Variants in MARCHF1 observed in about 807,000 individuals in gnomAD.
MARCHF1 encodes E3 ubiquitin-protein ligase MARCHF1.
In MARCHF1, 40 loss-of-function variants were observed where a neutral mutation model predicts 54.2. The ratio of observed to expected loss-of-function variants is 0.74; its 90% confidence interval spans 0.57 to 0.96. The LOEUF (loss-of-function observed/expected upper bound fraction) is 0.96. Among genes scored for constraint, MARCHF1 ranks in the 40% least tolerant of loss-of-function variants. MARCHF1 has a pLI of 0.00. For synonymous variants in MARCHF1, 236 were observed against 236.3 expected (o/e 1.00, Z 0.01); for missense variants, 586 against 656.5 (o/e 0.89, Z 1.17).
At chr4:164,339,615 A>G (rs1339456324) in intron 1 of MARCHF1, among the ~76,000 whole-genome samples, 2 of 152,146 alleles carry the variant, frequency 1.3e-5, no homozygotes, top group African/African-American at 4.8e-5. Context: ...TACATGAATA[A>G]AAAAGAAAGA....
chr4:163,608,014 T>G (rs1262592932), intron 7 of MARCHF1, among the ~76,000 whole-genome samples: 2 of 152,140 alleles, frequency 1.3e-5, no homozygotes, highest in African/African-American at 2.4e-5. Context: ...TTTTGCATCC[T>G]AAGAATTATT....
intron 1 of MARCHF1, among the ~76,000 whole-genome samples, chr4:164,209,779 A>C (rs1047857315): frequency 6.6e-6 from 1 of 152,192 alleles, no homozygotes; most frequent in African/African-American, 2.4e-5. Context: ...TATAATTGGA[A>C]TATTTTACTA....
chr4:164,324,017 A>C (rs1735210173), intron 1 of MARCHF1, among the ~76,000 whole-genome samples: 1 of 151,878 alleles, frequency 6.6e-6, no homozygotes, highest in South Asian at 2.1e-4. Flanking sequence ...AACCTAATAA[A>C]GATCAAACAA....
chr4:163,770,521 AAC>A (rs36201521), intron 4 of MARCHF1, among the ~76,000 whole-genome samples: 8,740 of 147,050 alleles, frequency 0.059, 425 homozygotes, highest in African/African-American at 0.14. Context: ...TCCCTCACTG[AAC>A]ACACACACAC....
chr4:164,199,675 CACACACAGAGAGAGAG>C (rs1477000996), intron 1 of MARCHF1, among the ~76,000 whole-genome samples: 155 of 54,444 alleles, frequency 2.8e-3, no homozygotes, highest in Non-Finnish European at 3.9e-3. Context: ...CACACACACA[CACACACAGAGAGAGAG>C]AGAGAGAGAG....
At chr4:163,667,876 C>T (rs1226016924) in intron 5 of MARCHF1, among the ~76,000 whole-genome samples, 3 of 152,118 alleles carry the variant, frequency 2.0e-5, no homozygotes, top group African/African-American at 7.2e-5. Context: ...ATTCACCCAC[C>T]TTGGCCTCCC....
chr4:163,863,520 G>T (rs573855626), intron 3 of MARCHF1, among the ~76,000 whole-genome samples: 13 of 152,186 alleles, frequency 8.5e-5, no homozygotes, highest in African/African-American at 3.1e-4. Context: ...CATATGCCAT[G>T]TAATAATGGG....
chr4:163,922,483 C>T (rs985058854), intron 3 of MARCHF1, among the ~76,000 whole-genome samples: 2 of 152,118 alleles, frequency 1.3e-5, no homozygotes, highest in South Asian at 2.1e-4. Flanking sequence ...TTGCACTCTA[C>T]CAAAATATCT....
At chr4:163,958,481 T>A (rs1752276169) in intron 3 of MARCHF1, among the ~76,000 whole-genome samples, 3 of 152,010 alleles carry the variant, frequency 2.0e-5, no homozygotes, top group African/African-American at 7.2e-5. Context: ...GAATACTTTT[T>A]TTGTTACTTT....
chr4:163,767,658 G>C (rs1301006203), intron 4 of MARCHF1, among the ~76,000 whole-genome samples: 1 of 152,038 alleles, frequency 6.6e-6, no homozygotes, highest in Non-Finnish European at 1.5e-5. Context: ...TGACCCAGCA[G>C]AGACACCAAA....
chr4:163,962,119 G>A (rs1029065302), intron 3 of MARCHF1, among the ~76,000 whole-genome samples: 1 of 151,880 alleles, frequency 6.6e-6, no homozygotes, highest in Non-Finnish European at 1.5e-5. Context: ...TAAGTTTTGT[G>A]TCTAAAAATG....
intron 1 of MARCHF1, among the ~76,000 whole-genome samples, chr4:164,119,123 A>G (rs1756009458): frequency 6.6e-6 from 1 of 151,580 alleles, no homozygotes; most frequent in Admixed American, 6.6e-5. Flanking sequence ...ACCCTAAAAA[A>G]CCCTTAGTAA....
intron 4 of MARCHF1, among the ~76,000 whole-genome samples, chr4:163,843,920 T>A (rs1208325704): frequency 6.6e-6 from 1 of 152,114 alleles, no homozygotes; most frequent in Non-Finnish European, 1.5e-5. Context: ...GATGCCTGTA[T>A]GTCTTCTTTT....
In MARCHF1 at chr4:163,778,352, C is replaced by T. The variant is rs115892175; in HGVS notation, c.111+75669G>A. Among the ~76,000 whole-genome samples the T allele has an allele frequency of 3.8e-3, 572 of 152,298 alleles. 3 individuals are homozygous for T. The highest frequency in any genetic ancestry group is 0.013 in the African/African-American group (549 of 41,560). ...ATAAGAAACTGCAAAATTGTTGCTT[C>T]ACATGACTAATATCTGGCATTGTCA... On this transcript the variant is annotated intron_variant, in intron 4 of 9. Coordinates refer to ENST00000514618, the MANE Select transcript of MARCHF1 (RefSeq NM_001394959.1).
At chr4:163,670,360 ATCTATCTATCTATCTATCTATCTGTCTG>A (rs1166079460) in intron 5 of MARCHF1, among the ~76,000 whole-genome samples, 2 of 103,462 alleles carry the variant, frequency 1.9e-5, no homozygotes, top group Admixed American at 1.9e-4. Flanking sequence ...CTAGAGTAGG[ATCTATCTATCTATCTATCTATCTGTCTG>A]TCTATCTATC....
intron 1 of MARCHF1, among the ~76,000 whole-genome samples, chr4:164,287,814 T>A (rs1332397020): frequency 1.3e-5 from 2 of 152,216 alleles, no homozygotes; most frequent in Non-Finnish European, 2.9e-5. Flanking sequence ...ATAGAATATC[T>A]ACTCTTTAGA....
intron 1 of MARCHF1, among the ~76,000 whole-genome samples, chr4:164,232,376 A>C (rs548570408): frequency 6.6e-6 from 1 of 152,286 alleles, no homozygotes; most frequent in Non-Finnish European, 1.5e-5. Flanking sequence ...AAGTTGTATC[A>C]CACACACAGA....
intron 7 of MARCHF1, among the ~76,000 whole-genome samples, chr4:163,587,761 C>A (rs11943414): frequency 6.6e-6 from 1 of 152,030 alleles, no homozygotes; most frequent in Non-Finnish European, 1.5e-5. Flanking sequence ...GCTCCTGAAT[C>A]TAAAACAAAA....
At chr4:164,061,970 G>A (rs1754626909) in intron 2 of MARCHF1, among the ~76,000 whole-genome samples, 1 of 152,130 alleles carries the variant, frequency 6.6e-6, no homozygotes, top group Non-Finnish European at 1.5e-5. Context: ...TTTCATGAAA[G>A]ATTATTCTGT....
Sources: gnomAD v4.1 joint callset for allele counts (sites outside exome capture counted in the v4.1 genomes callset) on GRCh38, gnomAD v4.1.1 for gene constraint, MANE v1.5 for transcripts, NCBI Gene and HGNC (gene_info 2026-07-23, HGNC 2026-07-21) for gene names.